The following DPYD variants were observed in gnomAD, a reference collection of about 807,000 sequenced individuals.
DPYD encodes the protein dihydropyrimidine dehydrogenase [NADP(+)].
DPYD carries 109 observed loss-of-function variants against 116.2 expected under a neutral mutation model. The ratio of observed to expected loss-of-function variants is 0.94; its 90% CI spans 0.80 to 1.10. DPYD has a LOEUF of 1.10. Among genes scored for constraint, DPYD ranks in the 50% least tolerant of loss-of-function variants. DPYD has a pLI of 0.00. For missense variants in DPYD, 1,302 were observed against 1,254.5 expected (o/e 1.04, Z -0.57); for synonymous variants, 440 against 432.0 (o/e 1.02, Z -0.23).
In DPYD at chr1:97,157,233, T is replaced by A. The variant is rs187486942; in HGVS notation, c.2622+35836A>T. 9.7e-3 allele frequency among the ~76,000 whole-genome samples: 1,467 copies of A among 151,928 alleles called. 14 individuals are homozygous for A. Among genetic ancestry groups the A allele is most frequent in the African/African-American group, 0.033 (1,363 of 41,424 alleles). ...TATACATATGTAACTAACCTGCACA[T>A]TGTGCACATGTACCCTAAAACTTAA... On this transcript the variant is annotated intron_variant, in intron 20 of 22. Coordinates refer to ENST00000370192, the MANE Select transcript of DPYD (RefSeq NM_000110.4).
intron 6 of DPYD, among the ~76,000 whole-genome samples, chr1:97,698,742 T>A (rs1661434326): frequency 6.6e-6 from 1 of 151,918 alleles, no homozygotes; most frequent in African/African-American, 2.4e-5. Flanking sequence ...TAAATTTTAT[T>A]TCTTTATGAT....
chr1:97,693,317 A>AC, intron 6 of DPYD, among the ~76,000 whole-genome samples: 1 of 121,398 alleles, frequency 8.2e-6, no homozygotes, highest in South Asian at 2.5e-4. Flanking sequence ...AAAAAAAAAA[A>AC]CCAAAAAAGA....
chr1:97,794,910 AT>A (rs1327940091), intron 3 of DPYD, among the ~76,000 whole-genome samples: 1 of 151,960 alleles, frequency 6.6e-6, no homozygotes, highest in Non-Finnish European at 1.5e-5. Flanking sequence ...TTAATTTTTA[AT>A]TGTTTGTTGT....
intron 14 of DPYD, among the ~76,000 whole-genome samples, chr1:97,388,785 A>C (rs1672506340): frequency 6.6e-6 from 1 of 152,074 alleles, no homozygotes; most frequent in African/African-American, 2.4e-5. Context: ...CGGGAGGACT[A>C]ATGATGTTTT....
intron 16 of DPYD, among the ~76,000 whole-genome samples, chr1:97,324,680 TTACAA>T (rs1284540097): frequency 6.6e-6 from 1 of 152,108 alleles, no homozygotes; most frequent in Non-Finnish European, 1.5e-5. Flanking sequence ...GCCTTTAGAA[TTACAA>T]TACATCTCTA....
At chr1:97,303,663 T>C (rs942556298) in intron 18 of DPYD, among the ~76,000 whole-genome samples, 4 of 152,026 alleles carry the variant, frequency 2.6e-5, no homozygotes, top group South Asian at 2.1e-4. Context: ...ATTCTGTCAA[T>C]GTGGAGAAAG....
At chr1:97,483,730 C>T (rs1678452777) in intron 13 of DPYD, among the ~76,000 whole-genome samples, 1 of 152,056 alleles carries the variant, frequency 6.6e-6, no homozygotes, top group South Asian at 2.1e-4. Context: ...GGGATTAAGG[C>T]TCTTATAAAA....
chr1:97,162,841 T>C (rs1197642343), intron 20 of DPYD, among the ~76,000 whole-genome samples: 3 of 151,632 alleles, frequency 2.0e-5, no homozygotes, highest in Non-Finnish European at 3.0e-5. Flanking sequence ...TCTACAACTA[T>C]CTGATCTTTG....
chr1:97,669,844 C>T (rs1216025293), intron 8 of DPYD, among the ~76,000 whole-genome samples: 1 of 152,154 alleles, frequency 6.6e-6, no homozygotes, highest in Non-Finnish European at 1.5e-5. Flanking sequence ...CTCCAACTTG[C>T]ATCAATCCCT....
In DPYD at chr1:97,689,342, C is replaced by T. The variant is rs186307618; in HGVS notation, c.762+2375G>A. Among the ~76,000 whole-genome samples, 350 of 151,932 alleles carry T rather than the reference C, an allele frequency of 2.3e-3. 1 individual carries two copies. Among genetic ancestry groups the T allele is most frequent in the African/African-American group, 7.8e-3 (323 of 41,472 alleles). The stretch of plus-strand genomic sequence containing the variant: ...AGGTTATGTTATTTGGATGATAATA[C>T]GCTTATTAAACTACTAAGTATACAG... On this transcript the variant is annotated intron_variant, in intron 7 of 22. Coordinates refer to ENST00000370192, the MANE Select transcript of DPYD (RefSeq NM_000110.4).
chr1:97,298,627 T>G (rs1666679079), intron 18 of DPYD, among the ~76,000 whole-genome samples: 1 of 152,170 alleles, frequency 6.6e-6, no homozygotes, highest in Non-Finnish European at 1.5e-5. Context: ...GACATTTTGA[T>G]AGTCCTCTAG....
At chr1:97,556,243 G>T (rs1019952067) in intron 11 of DPYD, among the ~76,000 whole-genome samples, 1 of 151,934 alleles carries the variant, frequency 6.6e-6, no homozygotes, top group Non-Finnish European at 1.5e-5. Flanking sequence ...CTTTTAGCCT[G>T]GCTTCTGTGA....
intron 18 of DPYD, among the ~76,000 whole-genome samples, chr1:97,267,387 G>T (rs565680862): frequency 6.6e-6 from 1 of 152,074 alleles, no homozygotes; most frequent in African/African-American, 2.4e-5. Flanking sequence ...GGAAGAAAGG[G>T]TATCAGTGAT....
chr1:97,891,308 C>A (rs1374373942), intron 1 of DPYD, among the ~76,000 whole-genome samples: 1 of 151,854 alleles, frequency 6.6e-6, no homozygotes, highest in African/African-American at 2.4e-5. Flanking sequence ...CTTTCAGATA[C>A]AGGGTACATT....
At chr1:97,314,121 G>A (rs1041901681) in intron 16 of DPYD, among the ~76,000 whole-genome samples, 1 of 151,900 alleles carries the variant, frequency 6.6e-6, no homozygotes, top group Non-Finnish European at 1.5e-5. Flanking sequence ...TAAAATACTT[G>A]GAGAGAACTG....
At chr1:97,683,550 T>A (rs921406815) in intron 7 of DPYD, among the ~76,000 whole-genome samples, 3 of 151,952 alleles carry the variant, frequency 2.0e-5, no homozygotes, top group African/African-American at 7.2e-5. Context: ...ATATCTTCAT[T>A]CATATTTTAT....
At chr1:97,526,833 G>C (rs2811172) in intron 12 of DPYD, among the ~76,000 whole-genome samples, 2 of 151,926 alleles carry the variant, frequency 1.3e-5, no homozygotes, top group Non-Finnish European at 2.9e-5. Flanking sequence ...CAGTTAAAAT[G>C]TTTTTCTATT....
chr1:97,212,553 G>GAT (rs956259289), intron 19 of DPYD, among the ~76,000 whole-genome samples: 7 of 151,838 alleles, frequency 4.6e-5, no homozygotes, highest in African/African-American at 1.2e-4. Flanking sequence ...TTTTTTTCTG[G>GAT]ATATATATAT....
intron 19 of DPYD, among the ~76,000 whole-genome samples, chr1:97,210,970 C>A (rs1332500603): frequency 6.6e-6 from 1 of 152,184 alleles, no homozygotes; most frequent in Non-Finnish European, 1.5e-5. Context: ...CATGGTCTCT[C>A]ACTTGCCTCA....
Sources: allele counts gnomAD v4.1 joint callset (sites outside exome capture counted in the v4.1 genomes callset), GRCh38; gene constraint gnomAD v4.1.1; transcripts MANE v1.5; gene names NCBI Gene and HGNC (gene_info 2026-07-23, HGNC 2026-07-21).